The following SGCZ variants were observed in gnomAD, a reference collection of about 807,000 sequenced individuals.
The protein encoded by SGCZ is sarcoglycan zeta.
A neutral mutation model predicts 41.3 loss-of-function variants in SGCZ; 40 were observed. That is an observed-to-expected ratio of 0.97 (90% CI 0.75 to 1.26). The LOEUF (loss-of-function observed/expected upper bound fraction) is 1.26, where lower values mean the gene tolerates loss of function less well. SGCZ is among the 50% of genes most tolerant of loss of function. The pLI is 0.00. For synonymous variants in SGCZ, 206 were observed against 137.5 expected (o/e 1.50, Z -3.49); for missense variants, 552 against 369.8 (o/e 1.49, Z -4.04).
Position 14,170,500 on chromosome 8 carries a change from C to T in SGCZ, c.425-5798G>A, listed in dbSNP as rs111524285. Among the ~76,000 whole-genome samples, 263 of 152,100 alleles carry T rather than the reference C, an allele frequency of 1.7e-3. 1 individual carries two copies. Among genetic ancestry groups the T allele is most frequent in the African/African-American group, 6.0e-3 (249 of 41,486 alleles). The stretch of plus-strand genomic sequence containing the variant: ...AACACCAGGAATGTGATATTCATTC[C>T]TGGGCCTGGCCTCTATGAATTTTAA... On this transcript the variant is annotated intron_variant, in intron 4 of 7. Transcript: ENST00000382080.
intron 1 of SGCZ, among the ~76,000 whole-genome samples, chr8:15,140,037 T>C (rs190895228): frequency 1.9e-3 from 287 of 152,212 alleles, no homozygotes; most frequent in African/African-American, 6.7e-3. Flanking sequence ...TTTTTTTATT[T>C]TGAGACAGGG....
At chr8:14,363,304 G>C (rs1803592786) in intron 2 of SGCZ, among the ~76,000 whole-genome samples, 1 of 152,054 alleles carries the variant, frequency 6.6e-6, no homozygotes, top group Admixed American at 6.6e-5. Context: ...TCCACAGCCT[G>C]GTAATAAGGG....
intron 2 of SGCZ, among the ~76,000 whole-genome samples, chr8:14,374,594 T>A (rs569032968): frequency 6.6e-6 from 1 of 151,284 alleles, no homozygotes; most frequent in South Asian, 2.1e-4. Context: ...TATTACACAG[T>A]TGAACACGAA....
At chr8:14,629,472 T>A (rs1806574504) in intron 1 of SGCZ, among the ~76,000 whole-genome samples, 2 of 152,140 alleles carry the variant, frequency 1.3e-5, no homozygotes, top group Non-Finnish European at 2.9e-5. Context: ...TTTATGGAGC[T>A]CCTTTATACA....
intron 2 of SGCZ, among the ~76,000 whole-genome samples, chr8:14,498,331 C>G (rs1802051909): frequency 6.6e-6 from 1 of 151,978 alleles, no homozygotes; most frequent in South Asian, 2.1e-4. Context: ...TAACAACACA[C>G]CACAATTTGT....
chr8:14,710,475 A>G (rs377453351), intron 1 of SGCZ, among the ~76,000 whole-genome samples: 2 of 152,016 alleles, frequency 1.3e-5, no homozygotes, highest in East Asian at 3.8e-4. Context: ...AAGTTCTTCA[A>G]GTGATTCTGA....
chr8:14,093,175 A>G (rs1297115667), intron 7 of SGCZ, among the ~76,000 whole-genome samples: 1 of 152,034 alleles, frequency 6.6e-6, no homozygotes, highest in Non-Finnish European at 1.5e-5. Context: ...AGGAGAGAAT[A>G]TTCTGCTTTC....
chr8:14,328,195 T>C (rs13269646), intron 2 of SGCZ, among the ~76,000 whole-genome samples: 28,943 of 152,232 alleles, frequency 0.19, 3,400 homozygotes, highest in Non-Finnish European at 0.27. Context: ...TTAAGTCCAG[T>C]AACTATTTAT....
At chr8:14,354,664 G>T (rs1800171039) in intron 2 of SGCZ, among the ~76,000 whole-genome samples, 1 of 151,584 alleles carries the variant, frequency 6.6e-6, no homozygotes, top group East Asian at 1.9e-4. Context: ...AGGCATTGTT[G>T]TTAAATACAC....
At chr8:15,221,349 T>G (rs978521523) in intron 1 of SGCZ, among the ~76,000 whole-genome samples, 6 of 152,138 alleles carry the variant, frequency 3.9e-5, no homozygotes, top group Non-Finnish European at 7.4e-5. Context: ...ATGAGTAAGA[T>G]TTATTTTCAG....
chr8:14,376,397 T>A (rs368498765), intron 2 of SGCZ, among the ~76,000 whole-genome samples: 72 of 152,244 alleles, frequency 4.7e-4, no homozygotes, highest in Admixed American at 2.1e-3. Flanking sequence ...CAAAATGACT[T>A]TATTTTGAAC....
intron 1 of SGCZ, among the ~76,000 whole-genome samples, chr8:14,784,902 C>CAAAAAAAAAAAAAAAAAAA (rs1182679983): frequency 7.6e-5 from 3 of 39,560 alleles, no homozygotes; most frequent in African/African-American, 1.3e-4. Context: ...AACTCTGCCT[C>CAAAAAAAAAAAAAAAAAAA]AAAAAAAAAA....
intron 2 of SGCZ, among the ~76,000 whole-genome samples, chr8:14,338,825 T>A (rs1002153836): frequency 5.9e-5 from 9 of 152,118 alleles, no homozygotes; most frequent in Non-Finnish European, 1.0e-4. Flanking sequence ...CAAATGTGTA[T>A]GTAAGTGCCC....
intron 2 of SGCZ, among the ~76,000 whole-genome samples, chr8:14,438,829 C>T (rs911109746): frequency 6.6e-6 from 1 of 151,868 alleles, no homozygotes; most frequent in African/African-American, 2.4e-5. Flanking sequence ...TCATATTCTT[C>T]GACTCAAAGC....
At chr8:14,783,774 C>G (rs1462904234) in intron 1 of SGCZ, among the ~76,000 whole-genome samples, 2 of 152,060 alleles carry the variant, frequency 1.3e-5, no homozygotes, top group Non-Finnish European at 1.5e-5. Flanking sequence ...AACTGGCAAT[C>G]TGAAAGTTTT....
intron 1 of SGCZ, among the ~76,000 whole-genome samples, chr8:14,907,119 C>A (rs186209740): frequency 2.1e-3 from 323 of 152,224 alleles, no homozygotes; most frequent in African/African-American, 7.4e-3. Context: ...TGCCTATAAA[C>A]TGATAATTTA....
chr8:14,086,905 A>G lies in SGCZ; in HGVS notation c.*3538T>C, dbSNP rs1367017411. ...TTAACTGAATCAGAAAAACTTAAAA[A>G]TGAATGTGACTAAAGGAAATGTCTA... On this transcript the variant is annotated 3_prime_UTR_variant, in exon 8 of 8. Coordinates refer to ENST00000382080, the MANE Select transcript of SGCZ (RefSeq NM_139167.4). Among the ~76,000 whole-genome samples, 1 of 151,712 alleles carries G rather than the reference A, an allele frequency of 6.6e-6. No individual in the cohort carries two copies. The highest frequency in any genetic ancestry group is 1.5e-5 in the Non-Finnish European group (1 of 67,754).
At chr8:14,610,717 G>A (rs1192788635) in intron 1 of SGCZ, among the ~76,000 whole-genome samples, 2 of 152,110 alleles carry the variant, frequency 1.3e-5, no homozygotes, top group Non-Finnish European at 2.9e-5. Context: ...AAAATAAGTT[G>A]CATCTGTTGT....
At chr8:14,435,806 C>A (rs1189642410) in intron 2 of SGCZ, among the ~76,000 whole-genome samples, 1 of 152,154 alleles carries the variant, frequency 6.6e-6, no homozygotes, top group Admixed American at 6.5e-5. Flanking sequence ...CTACACAATA[C>A]TCAATCATCG....
Sources: allele counts gnomAD v4.1 joint callset (sites outside exome capture counted in the v4.1 genomes callset), GRCh38; gene constraint gnomAD v4.1.1; transcripts MANE v1.5; gene names NCBI Gene and HGNC (gene_info 2026-07-23, HGNC 2026-07-21).